Variants in CCNI observed in about 807,000 individuals in gnomAD.
The protein encoded by CCNI is cyclin-I.
A neutral mutation model predicts 34.1 loss-of-function variants in CCNI; 14 were observed. That is an observed-to-expected ratio of 0.41 (90% confidence interval 0.27 to 0.64). CCNI has a LOEUF of 0.64. Ranked by LOEUF, CCNI falls within the 30% of genes least tolerant of loss-of-function variation. CCNI has a pLI of 0.31. For synonymous variants in CCNI, 154 were observed against 158.4 expected, an observed-to-expected ratio of 0.97 and a Z score of 0.21; for missense variants, 385 against 440.5, an observed-to-expected ratio of 0.87 and a Z score of 1.13.
intron 1 of CCNI, among the ~76,000 whole-genome samples, chr4:77,072,942 A>G (rs980858984): frequency 6.6e-5 from 10 of 152,268 alleles, no homozygotes; most frequent in Admixed American, 5.2e-4. Context: ...TGATACAGAA[A>G]GCATGGGCTT....
chr4:77,059,015 C>T (rs963900273), intron 2 of CCNI, among the ~76,000 whole-genome samples: 4 of 151,934 alleles, frequency 2.6e-5, no homozygotes, highest in African/African-American at 7.3e-5. Flanking sequence ...GAATTTCTCC[C>T]GCAGCAAGTA....
intron 3 of CCNI, among the ~76,000 whole-genome samples, chr4:77,057,953 A>G (rs1297632335): frequency 6.6e-6 from 1 of 152,258 alleles, no homozygotes; most frequent in African/African-American, 2.4e-5. Flanking sequence ...TTGTGCTAAA[A>G]TCAAGAGATA....
Position 77,048,622 on chromosome 4 carries a change from G to A in CCNI, c.731C>T (p.Ala244Val), listed in dbSNP as rs1727613400. 3 of 1,570,276 alleles carry A rather than the reference G, an allele frequency of 1.9e-6. No individual in the cohort carries two copies. The highest frequency in any genetic ancestry group is 2.6e-6 in the Non-Finnish European group (3 of 1,155,896). ...AGACTGCAGAGTAGAAAGGTGATGTGCCACAAGCTCCCGACAATGGATCAA... is the reference window on the plus strand; with the variant it reads ...AGACTGCAGAGTAGAAAGGTGATGTACCACAAGCTCCCGACAATGGATCAA... ...SQLIHCRELVAHHLSTLQSSL... is the reference protein window; with the variant it reads ...SQLIHCRELVVHHLSTLQSSL... The change falls in exon 7 of 7, where the codon GCA becomes GTA. Residue 244 changes from alanine (A) to valine (V), a missense_variant. Transcript: ENST00000237654.
rs1033126964 is a variant in CCNI at position 77,065,591 on chromosome 4, T to C, written c.114+658A>G. 6.6e-5 allele frequency among the ~76,000 whole-genome samples: 10 copies of C among 152,334 alleles called. 1 individual carries two copies. The South Asian group carries it at 1.7e-3, about 25-fold the overall frequency. On this transcript the variant is annotated intron_variant, in intron 2 of 6. Coordinates refer to ENST00000237654, the MANE Select transcript of CCNI (RefSeq NM_006835.3). ...ATGAAAGAGTAGGTTTTTAGTTGAC[T>C]AAAGACAATGGTATGAAGATGTTCA...
Position 77,056,099 on chromosome 4 carries a change from T to C in CCNI, c.322A>G (p.Ile108Val), listed in dbSNP as rs765598474. Residue 108 changes from isoleucine to valine, a missense_variant, in exon 5 of 7, where the codon ATT becomes GTT. By Grantham distance (29) the Ile-to-Val change is conservative (BLOSUM62 3). Around this residue, in one of 2 missense-constraint regions of CCNI, gnomAD observed 135 missense variants for 191.8 expected, o/e 0.70. Transcript: ENST00000237654. Reference protein sequence around the residue: ...AAKTVEEDERIPVLKVLARDS... With the variant: ...AAKTVEEDERVPVLKVLARDS... Reference sequence around the variant, plus strand: ...CTTGCCAATACCTTTAGTACTGGAATTCTCTATCCAAAGCAAAGGGGAACA... The same window carrying C: ...CTTGCCAATACCTTTAGTACTGGAACTCTCTATCCAAAGCAAAGGGGAACA... The C allele has an allele frequency of 6.2e-7, 1 of 1,613,002 alleles. No homozygotes were observed. Among genetic ancestry groups the C allele is most frequent in the Non-Finnish European group, 8.5e-7 (1 of 1,179,550 alleles).
At chr4:77,070,173 A>C (rs972760812) in intron 1 of CCNI, among the ~76,000 whole-genome samples, 1 of 151,740 alleles carries the variant, frequency 6.6e-6, no homozygotes, top group African/African-American at 2.4e-5. Context: ...ACACACCACC[A>C]CACATGGCTA....
intron 2 of CCNI, among the ~76,000 whole-genome samples, chr4:77,063,730 G>A (rs1247777998): frequency 6.6e-6 from 1 of 151,194 alleles, no homozygotes; most frequent in Admixed American, 6.6e-5. Flanking sequence ...GTCCCTGGGG[G>A]TTACCCTGGC....
intron 4 of CCNI, 23 bp downstream of exon 4, chr4:77,056,226 A>G: frequency 6.2e-7 from 1 of 1,606,234 alleles, no homozygotes; most frequent in Non-Finnish European, 8.5e-7. Context: ...CGGAAGAAAC[A>G]TTATCTTGAA....
intron 6 of CCNI, among the ~76,000 whole-genome samples, chr4:77,048,962 GTTTTTTTTTTTTT>G (rs538284505): frequency 4.2e-5 from 2 of 47,648 alleles, no homozygotes; most frequent in Admixed American, 5.8e-4. Flanking sequence ...TCCAACGTCT[GTTTTTTTTTTTTT>G]TTTTTTTTTT....
chr4:77,055,657 G>A (rs1279036963), intron 5 of CCNI, among the ~76,000 whole-genome samples: 1 of 152,016 alleles, frequency 6.6e-6, no homozygotes, highest in African/African-American at 2.4e-5. Context: ...AGTAGAGACA[G>A]GGTTTCACCA....
intron 5 of CCNI, among the ~76,000 whole-genome samples, 156 bp from the exon 6 acceptor site, chr4:77,055,536 C>A (rs1008472848): frequency 6.7e-6 from 1 of 150,348 alleles, no homozygotes; most frequent in East Asian, 2.0e-4. Context: ...GATCTCAACT[C>A]ACTGCAACAT....
chr4:77,073,721 T>C (rs1002448414), intron 1 of CCNI, among the ~76,000 whole-genome samples: 1 of 152,248 alleles, frequency 6.6e-6, no homozygotes, highest in Non-Finnish European at 1.5e-5. Context: ...TCTCTGGATT[T>C]GTGCAGTTGT....
At chr4:77,072,985 T>C (rs1729602906) in intron 1 of CCNI, among the ~76,000 whole-genome samples, 1 of 152,216 alleles carries the variant, frequency 6.6e-6, no homozygotes, top group Non-Finnish European at 1.5e-5. Flanking sequence ...CACAAGCCTA[T>C]TTTCTACGGG....
Position 77,048,634 on chromosome 4 carries a change from C to G in CCNI, c.719G>C (p.Arg240Pro). 6.4e-7 allele frequency: 1 copy of G among 1,551,774 alleles called. No homozygotes were observed. Among genetic ancestry groups the G allele is most frequent in the Non-Finnish European group, 8.7e-7 (1 of 1,147,390 alleles). The change falls in exon 7 of 7, where the codon CGG (arginine) becomes CCG (proline). Residue 240 changes from arginine to proline, a missense_variant. Around this residue, in one of 2 missense-constraint regions of CCNI, gnomAD observed 250 missense variants for 248.7 expected, o/e 1.01. Coordinates refer to ENST00000237654, the MANE Select transcript of CCNI (RefSeq NM_006835.3). ...AGAAAGGTGATGTGCCACAAGCTCC[C>G]GACAATGGATCAACTGGGAGCTATC... ...QMDSSQLIHCRELVAHHLSTL... is the reference protein window; with the variant it reads ...QMDSSQLIHCPELVAHHLSTL...
intron 6 of CCNI, 95 bp downstream of exon 6, chr4:77,055,055 T>TA: frequency 3.9e-6 from 3 of 769,022 alleles, no homozygotes; most frequent in Non-Finnish European, 6.5e-6. Flanking sequence ...GGTTTGCCAT[T>TA]ACAACATGAG....
At chr4:77,068,391 T>C (rs1259256914) in intron 1 of CCNI, among the ~76,000 whole-genome samples, 4 of 152,150 alleles carry the variant, frequency 2.6e-5, no homozygotes, top group Non-Finnish European at 4.4e-5. Flanking sequence ...ACTATGGATA[T>C]TGGAAGAGGG....
chr4:77,070,167 A>G (rs1729352026), intron 1 of CCNI, among the ~76,000 whole-genome samples: 1 of 151,682 alleles, frequency 6.6e-6, no homozygotes, highest in Admixed American at 6.6e-5. Context: ...ACAGGCACAC[A>G]CCACCACACA....
chr4:77,063,216 AG>A (rs1157751996), intron 2 of CCNI, among the ~76,000 whole-genome samples: 2 of 152,092 alleles, frequency 1.3e-5, no homozygotes, highest in African/African-American at 4.8e-5. Context: ...TAGTTGGGGC[AG>A]GGGGGAAGTT....
intron 5 of CCNI, among the ~76,000 whole-genome samples, chr4:77,055,601 C>A (rs1376510136): frequency 6.6e-6 from 1 of 151,600 alleles, no homozygotes; most frequent in Admixed American, 6.6e-5. Flanking sequence ...TGAGTAGCTG[C>A]GATTACAGGC....
Sources: allele counts gnomAD v4.1 joint callset (sites outside exome capture counted in the v4.1 genomes callset), GRCh38; gene constraint gnomAD v4.1.1; regional missense constraint gnomAD v4.1.1; transcripts MANE v1.5; gene names NCBI Gene and HGNC (gene_info 2026-07-23, HGNC 2026-07-21).